The following SLC24A2 variants were observed in gnomAD, a reference collection of about 807,000 sequenced individuals.
The protein encoded by SLC24A2 is sodium/potassium/calcium exchanger 2.
A neutral mutation model predicts 62.0 loss-of-function variants in SLC24A2; 36 were observed. The ratio of observed to expected loss-of-function variants is 0.58; its 90% CI spans 0.44 to 0.77. The LOEUF is 0.77. SLC24A2 is among the 30% of genes least tolerant of loss of function. SLC24A2 has a pLI of 0.00. For synonymous variants in SLC24A2, 358 were observed against 294.0 expected (o/e 1.22, Z -2.23); for missense variants, 846 against 817.9 (o/e 1.03, Z -0.42).
the SLC24A2 span, among the ~76,000 whole-genome samples, chr9:19,830,253 A>C: frequency 6.6e-6 from 1 of 152,298 alleles, no homozygotes; most frequent in Non-Finnish European, 1.5e-5. Context: ...CACATATGTC[A>C]GGATATCCTT....
At chr9:19,814,570 C>T in the SLC24A2 span, among the ~76,000 whole-genome samples, 4 of 152,170 alleles carry the variant, frequency 2.6e-5, no homozygotes, top group Non-Finnish European at 5.9e-5. Context: ...AATGAATCTT[C>T]CAGTTCATTT....
At chr9:19,876,057 G>T in the SLC24A2 span, among the ~76,000 whole-genome samples, 2 of 152,258 alleles carry the variant, frequency 1.3e-5, no homozygotes, top group South Asian at 4.2e-4. Flanking sequence ...AGCATGTCAA[G>T]TCTTCCTTTA....
intron 2 of SLC24A2, among the ~76,000 whole-genome samples, chr9:19,656,167 A>C (rs1005082933): frequency 2.6e-5 from 4 of 152,344 alleles, no homozygotes; most frequent in African/African-American, 9.6e-5. Flanking sequence ...CCATAGAGAG[A>C]GCTTTTATTG....
At chr9:19,907,700 A>G in the SLC24A2 span, among the ~76,000 whole-genome samples, 1 of 152,242 alleles carries the variant, frequency 6.6e-6, no homozygotes, top group African/African-American at 2.4e-5. Context: ...ACAGACAAAC[A>G]GAGAGCCAAA....
chr9:20,147,199 A>T, the SLC24A2 span, among the ~76,000 whole-genome samples: 2 of 152,140 alleles, frequency 1.3e-5, no homozygotes, highest in East Asian at 3.9e-4. Context: ...CCTGGCATTC[A>T]GTATTGCCTG....
chr9:19,966,288 T>C, the SLC24A2 span, among the ~76,000 whole-genome samples: 31 of 152,222 alleles, frequency 2.0e-4, no homozygotes, highest in Non-Finnish European at 2.2e-4. Context: ...CTGGCATGAA[T>C]AATTAATAAT....
chr9:20,107,478 T>A, the SLC24A2 span, among the ~76,000 whole-genome samples: 1 of 152,164 alleles, frequency 6.6e-6, no homozygotes, highest in Non-Finnish European at 1.5e-5. Flanking sequence ...AACAGCATGG[T>A]GCTGGTACCA....
the SLC24A2 span, among the ~76,000 whole-genome samples, chr9:20,122,330 G>A: frequency 2.6e-5 from 4 of 152,268 alleles, no homozygotes; most frequent in African/African-American, 7.2e-5. Flanking sequence ...GGCATACAAG[G>A]GAAAGCAGTT....
the SLC24A2 span, among the ~76,000 whole-genome samples, chr9:19,863,978 T>C: frequency 1.3e-5 from 2 of 151,482 alleles, no homozygotes; most frequent in Admixed American, 6.6e-5. Flanking sequence ...TTCAAACAAA[T>C]AAAACCAGAG....
At chr9:19,773,667 C>G (rs755678991) in intron 2 of SLC24A2, among the ~76,000 whole-genome samples, 3 of 152,192 alleles carry the variant, frequency 2.0e-5, no homozygotes, top group Non-Finnish European at 4.4e-5. Context: ...CCAAGCTAGG[C>G]ACCAGATACT....
chr9:20,053,201 T>C, the SLC24A2 span, among the ~76,000 whole-genome samples: 6,505 of 152,150 alleles, frequency 0.043, 157 homozygotes, highest in South Asian at 0.078. Context: ...TTCGTTATTC[T>C]AAATCCCTAT....
At chr9:19,762,935 T>C (rs566261300) in intron 2 of SLC24A2, among the ~76,000 whole-genome samples, 64 of 152,260 alleles carry the variant, frequency 4.2e-4, no homozygotes, top group African/African-American at 1.5e-3. Flanking sequence ...ATGATATCGA[T>C]TCTTCCTATC....
intron 2 of SLC24A2, among the ~76,000 whole-genome samples, chr9:19,699,980 G>A (rs2118519740): frequency 6.6e-6 from 1 of 152,198 alleles, no homozygotes; most frequent in South Asian, 2.1e-4. Context: ...GCTGCTTACT[G>A]GCTGTGTCTT....
chr9:20,222,979 A>G, the SLC24A2 span, among the ~76,000 whole-genome samples: 1 of 152,056 alleles, frequency 6.6e-6, no homozygotes, highest in Non-Finnish European at 1.5e-5. Flanking sequence ...GCAAACCTCT[A>G]CTTATTTGTA....
At chr9:19,800,679 C>A in the SLC24A2 span, among the ~76,000 whole-genome samples, 1 of 151,874 alleles carries the variant, frequency 6.6e-6, no homozygotes, top group South Asian at 2.1e-4. Flanking sequence ...TCAAAAGCTG[C>A]CTAATATTTT....
chr9:19,658,200 C>A (rs1235557427), intron 2 of SLC24A2, among the ~76,000 whole-genome samples: 3 of 152,176 alleles, frequency 2.0e-5, no homozygotes, highest in Non-Finnish European at 4.4e-5. Flanking sequence ...AGAACACATT[C>A]CTGGGAAAAA....
At chr9:20,214,570 A>G in the SLC24A2 span, among the ~76,000 whole-genome samples, 1 of 152,068 alleles carries the variant, frequency 6.6e-6, no homozygotes, top group East Asian at 1.9e-4. Flanking sequence ...AGCCGAGATC[A>G]TGCCACTGCA....
At chr9:19,769,999 T>G (rs2118888512) in intron 2 of SLC24A2, among the ~76,000 whole-genome samples, 1 of 151,796 alleles carries the variant, frequency 6.6e-6, no homozygotes, top group South Asian at 2.1e-4. Flanking sequence ...GGTAACTTAC[T>G]TACCTAAATA....
chr9:20,119,312 G>A, the SLC24A2 span, among the ~76,000 whole-genome samples: 2 of 151,296 alleles, frequency 1.3e-5, no homozygotes, highest in African/African-American at 4.9e-5. Flanking sequence ...GGTAACACAT[G>A]TTGCTTTAAA....
Sources: allele counts gnomAD v4.1 joint callset (sites outside exome capture counted in the v4.1 genomes callset), GRCh38; gene constraint gnomAD v4.1.1; transcripts MANE v1.5; gene names NCBI Gene and HGNC (gene_info 2026-07-23, HGNC 2026-07-21).